Variants in PRKG1 observed in about 807,000 individuals in gnomAD.
The protein encoded by PRKG1 is cGMP-dependent protein kinase 1.
PRKG1 carries 35 observed loss-of-function variants against 88.1 expected under a neutral mutation model. The observed-to-expected ratio is 0.40, with a 90% CI of 0.30 to 0.53. The LOEUF (loss-of-function observed/expected upper bound fraction) is 0.53, where lower values mean the gene tolerates loss of function less well. PRKG1 is among the 20% of genes least tolerant of loss of function. The pLI is 0.59. For missense variants in PRKG1, 540 were observed against 839.8 expected, an observed-to-expected ratio of 0.64 and a Z score of 4.41; for synonymous variants, 303 against 292.5, an observed-to-expected ratio of 1.04 and a Z score of -0.37.
intron 5 of PRKG1, among the ~76,000 whole-genome samples, chr10:52,008,325 C>A (rs1162190743): frequency 6.6e-6 from 1 of 151,944 alleles, no homozygotes; most frequent in African/African-American, 2.4e-5. Flanking sequence ...CATAATACAT[C>A]AACAGATGTA....
At chr10:51,405,126 GATA>G (rs1234265252) in intron 2 of PRKG1, among the ~76,000 whole-genome samples, 1 of 152,140 alleles carries the variant, frequency 6.6e-6, no homozygotes, top group African/African-American at 2.4e-5. Context: ...AGGGCAGTTG[GATA>G]ATGTTTATTT....
At chr10:52,228,407 T>C (rs551152324) in intron 9 of PRKG1, among the ~76,000 whole-genome samples, 24 of 152,324 alleles carry the variant, frequency 1.6e-4, no homozygotes, top group Middle Eastern at 3.4e-3. Context: ...AGGGGGTTCT[T>C]GCTCTTAAAC....
At chr10:51,032,933 A>G (rs1469042778) in intron 1 of PRKG1, among the ~76,000 whole-genome samples, 35 of 152,124 alleles carry the variant, frequency 2.3e-4, no homozygotes, top group Admixed American at 2.3e-3. Flanking sequence ...CAGGTATGCA[A>G]TGTGAAATAA....
chr10:51,083,008 T>C (rs1007852916), intron 1 of PRKG1, among the ~76,000 whole-genome samples: 9 of 152,322 alleles, frequency 5.9e-5, no homozygotes, highest in African/African-American at 2.2e-4. Context: ...ACCTCTGCTA[T>C]GACCCATTCA....
At chr10:52,111,918 T>G (rs1250449925) in intron 7 of PRKG1, among the ~76,000 whole-genome samples, 1 of 152,168 alleles carries the variant, frequency 6.6e-6, no homozygotes, top group Non-Finnish European at 1.5e-5. Context: ...GGGGTCTTCT[T>G]AAAGCTTATG....
chr10:51,284,234 A>G (rs1840375286), intron 2 of PRKG1, among the ~76,000 whole-genome samples: 1 of 152,248 alleles, frequency 6.6e-6, no homozygotes, highest in African/African-American at 2.4e-5. Flanking sequence ...AAAAGCCTTA[A>G]AAGAAAAAAG....
chr10:51,679,423 C>T (rs892226785), intron 3 of PRKG1, among the ~76,000 whole-genome samples: 1 of 152,066 alleles, frequency 6.6e-6, no homozygotes, highest in Non-Finnish European at 1.5e-5. Flanking sequence ...TTGTGAGTTA[C>T]TTAGAGCCAC....
At chr10:52,236,117 A>G (rs1840678630) in intron 9 of PRKG1, among the ~76,000 whole-genome samples, 1 of 56,436 alleles carries the variant, frequency 1.8e-5, no homozygotes, top group Non-Finnish European at 3.3e-5. Context: ...TTTGAAACCA[A>G]CGAGAACAAA....
At chr10:52,043,927 A>AC (rs1443899325) in intron 5 of PRKG1, among the ~76,000 whole-genome samples, 1 of 149,604 alleles carries the variant, frequency 6.7e-6, no homozygotes, top group East Asian at 2.3e-4. Flanking sequence ...GAAAAAAAAA[A>AC]AAAACCCAAG....
chr10:51,424,601 A>G (rs1838520251), intron 2 of PRKG1, among the ~76,000 whole-genome samples: 2 of 152,110 alleles, frequency 1.3e-5, no homozygotes, highest in South Asian at 4.1e-4. Context: ...ACTTCTTGTC[A>G]TCTTCCATGA....
chr10:51,788,289 C>T (rs1838780240), intron 3 of PRKG1, among the ~76,000 whole-genome samples: 1 of 152,114 alleles, frequency 6.6e-6, no homozygotes, highest in Non-Finnish European at 1.5e-5. Context: ...GCTTATTTTT[C>T]TAATCATTGT....
intron 7 of PRKG1, among the ~76,000 whole-genome samples, chr10:52,126,540 G>A (rs976210759): frequency 1.3e-5 from 2 of 152,078 alleles, no homozygotes; most frequent in Non-Finnish European, 2.9e-5. Context: ...GAGTTGGGGT[G>A]TTGCTACATT....
At chr10:52,204,988 A>G (rs1839779296) in intron 9 of PRKG1, among the ~76,000 whole-genome samples, 4 of 152,116 alleles carry the variant, frequency 2.6e-5, no homozygotes, top group Admixed American at 2.6e-4. Context: ...TGGGAAAAGA[A>G]TGCATTCCCA....
intron 1 of PRKG1, among the ~76,000 whole-genome samples, chr10:51,137,532 T>C (rs929414511): frequency 6.6e-5 from 10 of 152,168 alleles, no homozygotes; most frequent in Non-Finnish European, 1.3e-4. Context: ...GAAGGTTCTA[T>C]ACAGCAACTT....
At chr10:51,752,795 A>T (rs533342098) in intron 3 of PRKG1, among the ~76,000 whole-genome samples, 1 of 152,318 alleles carries the variant, frequency 6.6e-6, no homozygotes, top group South Asian at 2.1e-4. Context: ...AGAGTAACAG[A>T]CAATGAAGAT....
intron 5 of PRKG1, among the ~76,000 whole-genome samples, chr10:51,917,738 G>A (rs917586860): frequency 6.6e-4 from 100 of 152,108 alleles, no homozygotes; most frequent in African/African-American, 2.4e-3. Context: ...TAACTTTTTA[G>A]CATCTATCTG....
chr10:52,037,344 G>A (rs1845643595), intron 5 of PRKG1, among the ~76,000 whole-genome samples: 1 of 152,208 alleles, frequency 6.6e-6, no homozygotes, highest in Non-Finnish European at 1.5e-5. Flanking sequence ...GCAAGGAATT[G>A]CAACATTTTT....
chr10:51,156,314 A>ACACACACACAC lies in PRKG1; in HGVS notation c.478+2984_478+2985insCACACACACAC, dbSNP rs60689292. On this transcript the variant is annotated intron_variant, in intron 2 of 17. Coordinates refer to ENST00000373980, the MANE Select transcript of PRKG1 (RefSeq NM_006258.4). Reference sequence around the variant, plus strand: ...TGATGCAAGCACACACACACACACAAACACACACACCCGAATGTAACAAAA... The same window carrying ACACACACACAC: ...TGATGCAAGCACACACACACACACAACACACACACACACACACACACCCGAATGTAACAAAA... 5.0e-3 allele frequency among the ~76,000 whole-genome samples: 731 copies of ACACACACACAC among 147,116 alleles called. 10 individuals are homozygous for ACACACACACAC. The highest frequency in any genetic ancestry group is 0.017 in the African/African-American group (672 of 39,502).
At chr10:51,547,363 T>C (rs1555875) in intron 3 of PRKG1, among the ~76,000 whole-genome samples, 101,755 of 149,652 alleles carry the variant, frequency 0.68, 36,880 homozygotes, top group East Asian at 0.98. Context: ...GACTTGTGGG[T>C]TGAATCATGC....
Sources: gnomAD v4.1 joint callset for allele counts (sites outside exome capture counted in the v4.1 genomes callset) on GRCh38, gnomAD v4.1.1 for gene constraint, MANE v1.5 for transcripts, NCBI Gene and HGNC (gene_info 2026-07-23, HGNC 2026-07-21) for gene names.